PPP1R13B: variants seen among roughly 807,000 people sequenced by gnomAD.
The protein encoded by PPP1R13B is apoptosis-stimulating of p53 protein 1.
A neutral mutation model predicts 119.8 loss-of-function variants in PPP1R13B; 44 were observed. The observed-to-expected ratio is 0.37, with a 90% CI of 0.29 to 0.47. The LOEUF is 0.47. Ranked by LOEUF, PPP1R13B falls within the 20% of genes least tolerant of loss-of-function variation. PPP1R13B has a pLI of 0.99. For missense variants in PPP1R13B, 1,227 were observed against 1,413.5 expected (o/e 0.87, Z 2.12); for synonymous variants, 542 against 561.5 (o/e 0.97, Z 0.49).
intron 4 of PPP1R13B, among the ~76,000 whole-genome samples, chr14:103,771,066 AC>A (rs1202330156): frequency 1.3e-5 from 2 of 151,944 alleles, no homozygotes; most frequent in Non-Finnish European, 2.9e-5. Flanking sequence ...TATGAAATGA[AC>A]CCCCCAACAG....
rs539942624 is a variant in PPP1R13B, at chr14:103,735,028, C to T, written c.*126G>A. The stretch of plus-strand genomic sequence containing the variant: ...GAAACTGTAGGATTCACATTGTGGA[C>T]GCTGTCTGCTAAAGTGAGCACCATT... On this transcript the variant is annotated 3_prime_UTR_variant, in exon 17 of 17. Coordinates refer to ENST00000202556, the MANE Select transcript of PPP1R13B (RefSeq NM_015316.3). 130 of 1,034,138 alleles carry T rather than the reference C, an allele frequency of 1.3e-4. No individual in the cohort carries two copies. The highest frequency in any genetic ancestry group is 5.0e-4 in the East Asian group (20 of 39,824). 64.1% of individuals were successfully genotyped at this position (1,034,138 alleles called of 1,614,324 possible).
At chr14:103,824,087 C>G (rs187756033) in intron 1 of PPP1R13B, among the ~76,000 whole-genome samples, 5 of 136,188 alleles carry the variant, frequency 3.7e-5, no homozygotes, top group African/African-American at 1.4e-4. Flanking sequence ...TGCTCTGTCG[C>G]CAGACTGGAG....
At chr14:103,813,889 G>A (rs2086217061) in intron 1 of PPP1R13B, among the ~76,000 whole-genome samples, 1 of 152,146 alleles carries the variant, frequency 6.6e-6, no homozygotes, top group Admixed American at 6.5e-5. Context: ...AAAACTAAAT[G>A]AAAAGTCACT....
intron 8 of PPP1R13B, among the ~76,000 whole-genome samples, chr14:103,748,111 ACACG>A (rs2084438474): frequency 7.2e-6 from 1 of 138,532 alleles, no homozygotes; most frequent in Non-Finnish European, 1.6e-5. Flanking sequence ...ACACACACAC[ACACG>A]TGCACGCGCA....
chr14:103,839,315 T>A (rs916646260), intron 1 of PPP1R13B, among the ~76,000 whole-genome samples: 1 of 151,828 alleles, frequency 6.6e-6, no homozygotes, highest in Non-Finnish European at 1.5e-5. Context: ...CCCAGCCCAC[T>A]GTGTTTCATT....
chr14:103,761,790 A>G (rs191489600), intron 4 of PPP1R13B, among the ~76,000 whole-genome samples: 60 of 152,254 alleles, frequency 3.9e-4, no homozygotes, highest in Middle Eastern at 3.4e-3. Context: ...AAGAAAAAAA[A>G]AGAAACACTA....
In PPP1R13B at chr14:103,825,829, CAG is replaced by C. The variant is rs528024147; in HGVS notation, c.9+21468_9+21469del. Reference sequence around the variant, plus strand: ...TGACTACACTAAACAACACTGTAGACAGTGATTTTTTCTTTTCTTTTTTTTTT... The same window carrying C: ...TGACTACACTAAACAACACTGTAGACTGATTTTTTCTTTTCTTTTTTTTTT... On this transcript the variant is annotated intron_variant, in intron 1 of 16. Coordinates refer to ENST00000202556, the MANE Select transcript of PPP1R13B (RefSeq NM_015316.3). Among the ~76,000 whole-genome samples the C allele has an allele frequency of 8.1e-4, 118 of 145,278 alleles. 1 individual carries two copies. The highest frequency in any genetic ancestry group is 3.0e-3 in the African/African-American group (115 of 38,128).
chr14:103,736,020 G>A lies in PPP1R13B; in HGVS notation c.3214C>T (p.Pro1072Ser). Residue 1072 changes from proline to serine, a missense_variant, in exon 16 of 17, where the codon CCC becomes TCC. By Grantham distance (74) the Pro-to-Ser change is moderately conservative. Transcript: ENST00000202556. ...ARLGDREGYV[P>S]KNLLGLYPRI... Reference sequence around the variant, plus strand: ...GTGCTCACCCCCAGCAGGTTTTTGGGCACATAGCCCTCCCGGTCTCCAAGG... The same window carrying A: ...GTGCTCACCCCCAGCAGGTTTTTGGACACATAGCCCTCCCGGTCTCCAAGG... 6.2e-7 allele frequency: 1 copy of A among 1,614,124 alleles called. No homozygotes were observed. The highest frequency in any genetic ancestry group is 8.5e-7 in the Non-Finnish European group (1 of 1,179,998).
Position 103,742,844 on chromosome 14 carries a change from T to TA in PPP1R13B, c.1151-22dup. ...ATTAGCTTGAAAAGAACACAGAACT[T>TA]ACGTAAAACTTTTCTCAATGTAGTT... is the stretch of plus-strand genomic sequence containing the variant. On this transcript the variant is annotated intron_variant, in intron 9 of 16. Coordinates refer to ENST00000202556, the MANE Select transcript of PPP1R13B (RefSeq NM_015316.3). The surrounding 1 kb of genome is among the most constrained non-coding windows in gnomAD (Gnocchi z 4.9). 4 of 1,612,732 alleles carry TA rather than the reference T, an allele frequency of 2.5e-6. No homozygotes were observed. The highest frequency in any genetic ancestry group is 3.4e-6 in the Non-Finnish European group (4 of 1,179,214).
intron 1 of PPP1R13B, among the ~76,000 whole-genome samples, chr14:103,821,612 G>A (rs1459840397): frequency 3.3e-5 from 5 of 152,072 alleles, no homozygotes; most frequent in African/African-American, 1.2e-4. Flanking sequence ...TTAGCCGGGC[G>A]TGGTGATGCC....
intron 1 of PPP1R13B, among the ~76,000 whole-genome samples, chr14:103,808,104 G>A (rs2086061130): frequency 6.6e-6 from 1 of 151,966 alleles, no homozygotes; most frequent in Non-Finnish European, 1.5e-5. Flanking sequence ...AATTAGCTGG[G>A]CGTGGTGGCA....
intron 1 of PPP1R13B, among the ~76,000 whole-genome samples, chr14:103,797,832 T>C (rs925086639): frequency 1.3e-5 from 2 of 151,824 alleles, no homozygotes; most frequent in African/African-American, 4.8e-5. Context: ...TAGACCCAAT[T>C]ACCTATGAAA....
chr14:103,847,697 G>C (rs528184442), upstream of PPP1R13B: 30 of 863,930 alleles, frequency 3.5e-5, no homozygotes, highest in South Asian at 9.4e-4. Flanking sequence ...GGAGAGGGGC[G>C]GGGCTTCCCG....
intron 8 of PPP1R13B, among the ~76,000 whole-genome samples, 184 bp downstream of exon 8, chr14:103,749,610 C>A (rs2084487179): frequency 6.6e-6 from 1 of 152,206 alleles, no homozygotes; most frequent in African/African-American, 2.4e-5. Context: ...TCTGCCTCCA[C>A]ACACCAGGAA....
chr14:103,831,429 C>G (rs2152077202), intron 1 of PPP1R13B, among the ~76,000 whole-genome samples: 1 of 150,560 alleles, frequency 6.6e-6, no homozygotes. Flanking sequence ...CGTATCTCAG[C>G]CTCCCCAGTA....
rs1158381386 is a variant in PPP1R13B, at chr14:103,847,468, G to A, written c.-161C>T. The A allele has an allele frequency of 7.1e-6, 7 of 992,654 alleles. No homozygotes were observed. The highest frequency in any genetic ancestry group is 8.4e-6 in the Non-Finnish European group (7 of 836,064). 61.5% of individuals were successfully genotyped at this position (992,654 alleles called of 1,614,324 possible). A position where few individuals can be genotyped will look rare whatever the true frequency, so the allele number is the denominator to read the frequency against. ...AGCTGCGGCGGGCTGCGGGGCTCTC[G>A]CTGGCCCTGTCGCGGCCGCCGGCGC... On this transcript the variant is annotated 5_prime_UTR_variant, in exon 1 of 17. Coordinates refer to ENST00000202556, the MANE Select transcript of PPP1R13B (RefSeq NM_015316.3).
intron 3 of PPP1R13B, among the ~76,000 whole-genome samples, chr14:103,783,607 A>G (rs1394663295): frequency 6.6e-6 from 1 of 152,078 alleles, no homozygotes; most frequent in Non-Finnish European, 1.5e-5. Flanking sequence ...GCTGGAGTGC[A>G]GTGGCACAAT....
At chr14:103,802,911 C>T (rs910326096) in intron 1 of PPP1R13B, among the ~76,000 whole-genome samples, 8 of 152,160 alleles carry the variant, frequency 5.3e-5, no homozygotes, top group Non-Finnish European at 1.5e-5. Flanking sequence ...CCTGTCTTTC[C>T]TAATTTTAGC....
intron 4 of PPP1R13B, among the ~76,000 whole-genome samples, chr14:103,773,114 A>T (rs2085109060): frequency 6.6e-6 from 1 of 152,212 alleles, no homozygotes; most frequent in South Asian, 2.1e-4. Context: ...AATAATAATA[A>T]AAGCACCTTT....
Sources: allele counts gnomAD v4.1 joint callset (sites outside exome capture counted in the v4.1 genomes callset), GRCh38; gene constraint gnomAD v4.1.1; non-coding constraint Gnocchi (gnomAD v3.1); transcripts MANE v1.5; gene names NCBI Gene and HGNC (gene_info 2026-07-23, HGNC 2026-07-21).